HEATR6: variants seen among roughly 807,000 people sequenced by gnomAD.
HEATR6 encodes the protein HEAT repeat-containing protein 6.
HEATR6 carries 106 observed loss-of-function variants against 132.8 expected under a neutral mutation model. The observed-to-expected ratio is 0.80, with a 90% confidence interval of 0.68 to 0.94. The LOEUF is 0.94. Among genes scored for constraint, HEATR6 ranks in the 40% least tolerant of loss-of-function variants. The probability of loss-of-function intolerance (pLI) is 0.00; values close to 1 mark genes in which losing one functional copy is unlikely to be tolerated. For missense variants in HEATR6, 1,339 were observed against 1,425.1 expected, an observed-to-expected ratio of 0.94 and a Z score of 0.97; for synonymous variants, 529 against 537.8, an observed-to-expected ratio of 0.98 and a Z score of 0.23.
chr17:60,073,682 C>T (rs917971775), intron 3 of HEATR6, 64 bp downstream of exon 3: 3 of 1,492,286 alleles, frequency 2.0e-6, no homozygotes, highest in Non-Finnish European at 1.8e-6. Context: ...AACCTGAACA[C>T]AGTGTTGGCA....
At chr17:60,047,731 TCATA>T (rs1906420183) in intron 17 of HEATR6, among the ~76,000 whole-genome samples, 1 of 152,190 alleles carries the variant, frequency 6.6e-6, no homozygotes, top group Non-Finnish European at 1.5e-5. Flanking sequence ...AATTATGTAA[TCATA>T]AATAAGGATT....
At position 60,050,984 on chromosome 17, in the gene HEATR6, C is replaced by A; in HGVS notation, c.2290-7G>T. ...TAGTCCAGAACATCACCACCTGGAA[C>A]GGAGGCAAAGTAAAAGCTGCAGCCC... On this transcript the variant is annotated splice_polypyrimidine_tract_variant and splice_region_variant and intron_variant, in intron 14 of 19. Coordinates refer to ENST00000184956, the MANE Select transcript of HEATR6 (RefSeq NM_022070.5). 1.2e-6 allele frequency: 2 copies of A among 1,613,796 alleles called. No individual in the cohort carries two copies. Among genetic ancestry groups the A allele is most frequent in the Non-Finnish European group, 1.7e-6 (2 of 1,179,848 alleles).
At chr17:60,070,924 CTT>C (rs2083267107) in intron 5 of HEATR6, 117 bp from the exon 6 acceptor site, 1 of 632,480 alleles carries the variant, frequency 1.6e-6, no homozygotes, top group East Asian at 2.7e-5. Context: ...TGAAAAAAAA[CTT>C]TATTATAGAC....
At chr17:60,057,437 G>A (rs368752920) in intron 11 of HEATR6, 34 bp from the exon 12 acceptor site, 2 of 1,352,400 alleles carry the variant, frequency 1.5e-6, no homozygotes, top group Non-Finnish European at 2.0e-6. Context: ...TTATCATCAT[G>A]GCAACAACTA....
At chr17:60,046,658 C>A (rs562224976) in intron 18 of HEATR6, among the ~76,000 whole-genome samples, 110 of 152,226 alleles carry the variant, frequency 7.2e-4, no homozygotes, top group Non-Finnish European at 1.4e-3. Context: ...GTTTTAAAAC[C>A]GATTCGGAGG....
At position 60,066,231 on chromosome 17, in the gene HEATR6, G is replaced by A. The variant is rs1167021619; in HGVS notation, c.1394C>T (p.Thr465Ile). 1.9e-6 allele frequency: 3 copies of A among 1,613,650 alleles called. No homozygotes were observed. The highest frequency in any genetic ancestry group is 2.5e-6 in the Non-Finnish European group (3 of 1,179,754). ...TACCTTTGGAGAAGGGTCTTTCAATGTAAGAGTCATCAAGGACACTGACTG... is the reference window on the plus strand; with the variant it reads ...TACCTTTGGAGAAGGGTCTTTCAATATAAGAGTCATCAAGGACACTGACTG... ...SPQSVSLMTL[T>I]LKDPSPKTRA... Residue 465 changes from threonine to isoleucine, a missense_variant, in exon 9 of 20, where the codon ACA (threonine) becomes ATA (isoleucine). Transcript: ENST00000184956.
rs1474187581 is a variant in HEATR6 at position 60,042,033 on chromosome 17, T to A, written c.*1530A>T. Reference sequence around the variant, plus strand: ...ATATATTCAGTAGAAGTTACCTTCATAACTTGTGGGGCATTATCAAAATAT... The same window carrying A: ...ATATATTCAGTAGAAGTTACCTTCAAAACTTGTGGGGCATTATCAAAATAT... On this transcript the variant is annotated 3_prime_UTR_variant, in exon 20 of 20. Transcript: ENST00000184956. Among the ~76,000 whole-genome samples the A allele has an allele frequency of 1.3e-5, 2 of 152,226 alleles. No homozygotes were observed. Among genetic ancestry groups the A allele is most frequent in the Non-Finnish European group, 2.9e-5 (2 of 68,042 alleles).
chr17:60,059,476 G>A lies in HEATR6; in HGVS notation c.1669C>T (p.Leu557Phe), dbSNP rs1229405990. Residue 557 changes from leucine to phenylalanine, a missense_variant, in exon 11 of 20, where the codon CTC becomes TTC. By Grantham distance (22) the Leu-to-Phe change is conservative. Coordinates refer to ENST00000184956, the MANE Select transcript of HEATR6 (RefSeq NM_022070.5). The part of the protein sequence containing the change: ...VSNAPYDRLK[L>F]SLLTKVWNQI... ...TTCCAGACTTTGGTCAGCAGGCTGAGTTTTAGACGATCATAAGGTGCATTT... is the reference window on the plus strand; with the variant it reads ...TTCCAGACTTTGGTCAGCAGGCTGAATTTTAGACGATCATAAGGTGCATTT... 6.2e-7 allele frequency: 1 copy of A among 1,613,676 alleles called. No homozygotes were observed. Among genetic ancestry groups the A allele is most frequent in the Admixed American group, 1.7e-5 (1 of 59,914 alleles).
At chr17:60,049,120 A>AGTGTGTGTGTGT (rs1555667018) in intron 16 of HEATR6, among the ~76,000 whole-genome samples, 1 of 128,734 alleles carries the variant, frequency 7.8e-6, no homozygotes, top group African/African-American at 3.6e-5. Flanking sequence ...AGAGAGACAG[A>AGTGTGTGTGTGT]GAGTGTGTGT....
chr17:60,073,666 G>A, intron 3 of HEATR6, 80 bp downstream of exon 3: 1 of 1,371,756 alleles, frequency 7.3e-7, no homozygotes, highest in Non-Finnish European at 1.0e-6. Context: ...TTAGTGGCAA[G>A]ATAGAAACCT....
Position 60,046,005 on chromosome 17 carries a change from G to T in HEATR6, c.2974+20C>A, listed in dbSNP as rs775710645. 2.5e-5 allele frequency: 40 copies of T among 1,575,512 alleles called. No individual in the cohort carries two copies. Among genetic ancestry groups the T allele is most frequent in the Non-Finnish European group, 3.3e-5 (38 of 1,145,618 alleles). ...GTCCCAAGAGGCTTTCCACCAGGGA[G>T]TGAAGGGAAACTTTCTTACCTAAAG... On this transcript the variant is annotated intron_variant, in intron 19 of 19. Transcript: ENST00000184956.
intron 14 of HEATR6, among the ~76,000 whole-genome samples, chr17:60,054,160 G>A (rs1906667751): frequency 6.6e-6 from 1 of 152,242 alleles, no homozygotes; most frequent in South Asian, 2.1e-4. Context: ...AGCATCCCCA[G>A]CCTTGGCTCA....
intron 1 of HEATR6, 121 bp from the exon 2 acceptor site, chr17:60,076,358 A>C: frequency 1.6e-6 from 1 of 607,468 alleles, no homozygotes; most frequent in Non-Finnish European, 2.9e-6. Context: ...AGAAAATGTG[A>C]GGCAGGAAGG....
intron 7 of HEATR6, 80 bp from the exon 8 acceptor site, chr17:60,067,812 A>G: frequency 8.7e-7 from 1 of 1,154,550 alleles, no homozygotes; most frequent in Admixed American, 2.5e-5. Flanking sequence ...TCTTCATTTT[A>G]AAGTGACTAA....
chr17:60,076,944 T>TAAAA (rs61125649), intron 1 of HEATR6, among the ~76,000 whole-genome samples: 1 of 122,334 alleles, frequency 8.2e-6, no homozygotes, highest in African/African-American at 2.9e-5. Flanking sequence ...AGGGAATTCT[T>TAAAA]AAAAAAAAAA....
intron 14 of HEATR6, among the ~76,000 whole-genome samples, chr17:60,054,862 G>A (rs1906693293): frequency 1.3e-5 from 2 of 152,156 alleles, no homozygotes; most frequent in Admixed American, 6.5e-5. Context: ...TACAGTGAGA[G>A]GAACATGAGA....
In HEATR6 at chr17:60,055,758, C is replaced by T. The variant is rs117635243; in HGVS notation, c.2203-157G>A. 2.5e-4 allele frequency among the ~76,000 whole-genome samples: 38 copies of T among 152,356 alleles called. No individual in the cohort carries two copies. In the East Asian group the frequency reaches 7.3e-3, roughly 29 times the overall value. ...CACCTTCACTCTAGTAACACCTTCA[C>T]TTTAGTAACACCTTCACTTGAGTTT... On this transcript the variant is annotated intron_variant, in intron 13 of 19. Transcript: ENST00000184956.
chr17:60,042,361 C>G lies in HEATR6; in HGVS notation c.*1202G>C, dbSNP rs1353940815. Among the ~76,000 whole-genome samples, 1 of 150,632 alleles carries G rather than the reference C, an allele frequency of 6.6e-6. No homozygotes were observed. Among genetic ancestry groups the G allele is most frequent in the Non-Finnish European group, 1.5e-5 (1 of 67,716 alleles). ...GAGGCACCGTCAGCATCCTTGCGTC[C>G]TGTGTGGCTGTGAGGCACTGTCAGC... On this transcript the variant is annotated 3_prime_UTR_variant, in exon 20 of 20. Coordinates refer to ENST00000184956, the MANE Select transcript of HEATR6 (RefSeq NM_022070.5).
chr17:60,053,319 A>G (rs1419997629), intron 14 of HEATR6, among the ~76,000 whole-genome samples: 1 of 152,206 alleles, frequency 6.6e-6, no homozygotes, highest in Non-Finnish European at 1.5e-5. Context: ...TGCTTCTCGT[A>G]TAGCCTGCAG....
Sources: gnomAD v4.1 joint callset for allele counts (sites outside exome capture counted in the v4.1 genomes callset) on GRCh38, gnomAD v4.1.1 for gene constraint, MANE v1.5 for transcripts, NCBI Gene and HGNC (gene_info 2026-07-23, HGNC 2026-07-21) for gene names.